Variants in KIF1C observed in about 807,000 individuals in gnomAD.
KIF1C encodes the protein kinesin family member 1C.
Under a neutral mutation model 126.5 loss-of-function variants are expected in KIF1C, and 61 were observed. That is an observed-to-expected ratio of 0.48 (90% CI 0.39 to 0.60). The LOEUF (loss-of-function observed/expected upper bound fraction) is 0.60. KIF1C is among the 20% of genes least tolerant of loss of function. KIF1C has a pLI of 0.00. For synonymous variants in KIF1C, 640 were observed against 580.6 expected, an observed-to-expected ratio of 1.10 and a Z score of -1.47; for missense variants, 1,315 against 1,489.2, an observed-to-expected ratio of 0.88 and a Z score of 1.93.
rs1974658621 is a variant in KIF1C, at chr17:5,003,664, C to T, written c.773C>T (p.Ser258Leu). ...DLAGSERADS[S>L]GARGMRLKEG... is the part of the protein sequence containing the mutation. ...GCTGGGAGTGAGCGAGCCGACTCCT[C>T]AGGGGCCCGGGGCATGCGCCTGAAG... is the stretch of plus-strand genomic sequence containing the variant. The change falls in exon 9 of 23, where the codon TCA (serine) becomes TTA (leucine). Residue 258 changes from serine (S) to leucine (L), a missense_variant. Ser to Leu is a moderately radical substitution (Grantham distance 145, BLOSUM62 -2). This residue lies in a region of KIF1C where 874 missense variants were observed against 1,053.2 expected (regional missense o/e 0.83). Transcript: ENST00000320785. 3.1e-6 allele frequency: 5 copies of T among 1,613,668 alleles called. No homozygotes were observed. Among genetic ancestry groups the T allele is most frequent in the Non-Finnish European group, 4.2e-6 (5 of 1,179,892 alleles).
intron 16 of KIF1C, among the ~76,000 whole-genome samples, chr17:5,012,372 C>T (rs576250013): frequency 1.3e-4 from 11 of 86,254 alleles, no homozygotes; most frequent in African/African-American, 4.5e-4. Flanking sequence ...CAGGTGGGGG[C>T]GGGGCGGGAG....
intron 18 of KIF1C, among the ~76,000 whole-genome samples, chr17:5,015,975 C>G (rs1054048370): frequency 4.0e-5 from 6 of 151,898 alleles, no homozygotes; most frequent in African/African-American, 1.2e-4. Context: ...CACATAAGCT[C>G]AAGCAAAGTC....
At chr17:5,009,847 A>G (rs1032339861) in intron 16 of KIF1C, among the ~76,000 whole-genome samples, 2 of 151,928 alleles carry the variant, frequency 1.3e-5, no homozygotes, top group Non-Finnish European at 1.5e-5. Flanking sequence ...GTTATAACAC[A>G]TGTACAGGCA....
rs1974681457 is a variant in KIF1C, at chr17:5,004,564, C to T, written c.941-3C>T. ...GAAGCTTTTCCATGCACTCCATTCA[C>T]AGGGGGGAACTCACGCACAGCCATG... On this transcript the variant is annotated splice_region_variant and splice_polypyrimidine_tract_variant and intron_variant, in intron 11 of 22. Coordinates refer to ENST00000320785, the MANE Select transcript of KIF1C (RefSeq NM_006612.6). 1.9e-6 allele frequency: 3 copies of T among 1,614,024 alleles called. No individual in the cohort carries two copies. The highest frequency in any genetic ancestry group is 2.5e-6 in the Non-Finnish European group (3 of 1,179,922).
chr17:5,021,944 C>T lies in KIF1C; in HGVS notation c.2011-148C>T, dbSNP rs1449934244. ...TAGAAGAGCAGCGTTAAGCAGTCTG[C>T]CCAAGGGTGCGCTGTTGGGGTGGAG... On this transcript the variant is annotated intron_variant, in intron 21 of 22. Transcript: ENST00000320785. The T allele has an allele frequency of 1.2e-5, 10 of 839,904 alleles. No homozygotes were observed. The Admixed American group carries it at 2.4e-4, about 20-fold the overall frequency. The allele number at this position is 839,904 out of a possible 1,614,324, so 52.0% of individuals were successfully genotyped here.
intron 8 of KIF1C, 32 bp downstream of exon 8, chr17:5,002,874 G>T (rs767069435): frequency 2.2e-6 from 3 of 1,342,128 alleles, no homozygotes; most frequent in Non-Finnish European, 1.0e-6. Flanking sequence ...CTCCCCCACC[G>T]GATGCAACCT....
chr17:5,024,117 C>T lies in KIF1C; in HGVS notation c.3278C>T (p.Ala1093Val), dbSNP rs376866611. The T allele has an allele frequency of 1.2e-6, 2 of 1,610,704 alleles. No homozygotes were observed. The highest frequency in any genetic ancestry group is 8.5e-7 in the Non-Finnish European group (1 of 1,178,474). ...TPPRMRRQRS[A>V]PDLKESGAAV ...CCACGAATGAGACGGCAGCGTTCTG[C>T]CCCTGACCTCAAGGAGAGTGGGGCA... is the stretch of plus-strand genomic sequence containing the variant. Residue 1093 changes from alanine to valine, a missense_variant, in exon 23 of 23, where the codon GCC (alanine) becomes GTC (valine). This residue lies in a region of KIF1C where 441 missense variants were observed against 436.1 expected (regional missense o/e 1.01). Transcript: ENST00000320785.
At position 5,022,070 on chromosome 17, in the gene KIF1C, C is replaced by CTT. The variant is rs1975101231; in HGVS notation, c.2011-21_2011-20insTT. The CTT allele has an allele frequency of 6.3e-6, 10 of 1,578,526 alleles. No homozygotes were observed. The highest frequency in any genetic ancestry group is 1.7e-4 in the Middle Eastern group (1 of 5,910). ...TCTGGATGTCCTTAGCCCTCTCTTC[C>CTT]TCTTTCTTTCTCTGGCCCCAGTATG... On this transcript the variant is annotated intron_variant, in intron 21 of 22. Transcript: ENST00000320785. This position sits in a 1 kb window ranked among gnomAD's most constrained non-coding sequence, Gnocchi z 4.9.
rs1285647110 is a variant in KIF1C, at chr17:5,022,980, T to C, written c.2628+271T>C. On this transcript the variant is annotated intron_variant, in intron 22 of 22. Transcript: ENST00000320785. This position sits in a 1 kb window ranked among gnomAD's most constrained non-coding sequence, Gnocchi z 4.9. ...TAATAAGCTCTGGGTGTTTCTGAAA[T>C]ACAGTGAAGTCTAAGACCCACTGAT... 6.6e-6 allele frequency among the ~76,000 whole-genome samples: 1 copy of C among 152,200 alleles called. No homozygotes were observed. The highest frequency in any genetic ancestry group is 1.9e-4 in the East Asian group (1 of 5,190).
chr17:5,001,160 A>C, intron 4 of KIF1C, 62 bp from the exon 5 acceptor site: 1 of 1,530,514 alleles, frequency 6.5e-7, no homozygotes, highest in East Asian at 2.3e-5. Flanking sequence ...CTTGGGACAG[A>C]GACACAAAGG....
Position 5,023,846 on chromosome 17 carries a change from C to A in KIF1C, c.3007C>A (p.Leu1003Ile), listed in dbSNP as rs541004226. 6.6e-7 allele frequency: 1 copy of A among 1,520,368 alleles called. No homozygotes were observed. Among genetic ancestry groups the A allele is most frequent in the Non-Finnish European group, 8.8e-7 (1 of 1,134,898 alleles). 94.2% of individuals were successfully genotyped at this position (1,520,368 alleles called of 1,614,324 possible). A position where few individuals can be genotyped will look rare whatever the true frequency, so the allele number is the denominator to read the frequency against. ...GGGGAGCGGGGAGGCTCCAACTCCG[C>A]TCCAACCCCCTGAGGAGGTCACTCC... ...GMGSGEAPTP[L>I]QPPEEVTPHP... is the part of the protein sequence containing the mutation. The change falls in exon 23 of 23, where the codon CTC becomes ATC. Residue 1003 changes from leucine (L) to isoleucine (I), a missense_variant. Leu to Ile is a conservative substitution (Grantham distance 5). Around this residue, in one of 2 missense-constraint regions of KIF1C, gnomAD observed 441 missense variants for 436.1 expected, o/e 1.01. Transcript: ENST00000320785. The surrounding 1 kb of genome is among the most constrained non-coding windows in gnomAD (Gnocchi z 4.2).
chr17:5,009,251 C>G (rs1446622758), intron 16 of KIF1C, among the ~76,000 whole-genome samples: 1 of 151,530 alleles, frequency 6.6e-6, no homozygotes, highest in Non-Finnish European at 1.5e-5. Flanking sequence ...GCAATCTTGG[C>G]TGACTGCAAC....
In KIF1C at chr17:5,022,147, G is replaced by A. The variant is rs1392339428; in HGVS notation, c.2066G>A (p.Trp689Ter). ...GACAAGCGCTCTTGTGAAGAGAGCT[G>A]GAGGCTCATCTCCTCCTTGCGGGAG... is the stretch of plus-strand genomic sequence containing the variant. The part of the protein sequence containing the change: ...DSDKRSCEES[W>*]RLISSLREQL... Residue 689 changes from tryptophan to a stop codon, truncating the protein, a stop_gained, in exon 22 of 23, where the codon TGG (tryptophan) becomes TAG (stop). Coordinates refer to ENST00000320785, the MANE Select transcript of KIF1C (RefSeq NM_006612.6). LOFTEE classifies it high-confidence loss of function. The surrounding 1 kb of genome is among the most constrained non-coding windows in gnomAD (Gnocchi z 4.9). 6.2e-7 allele frequency: 1 copy of A among 1,613,606 alleles called. No individual in the cohort carries two copies. Among genetic ancestry groups the A allele is most frequent in the African/African-American group, 1.3e-5 (1 of 74,946 alleles).
intron 13 of KIF1C, among the ~76,000 whole-genome samples, chr17:5,006,049 A>G (rs1439818992): frequency 6.6e-6 from 1 of 151,488 alleles, no homozygotes; most frequent in African/African-American, 2.4e-5. Context: ...TCTACTAAAA[A>G]TACAAAAATT....
Position 5,020,633 on chromosome 17 carries a change from TGCTGGAGCAGCAAGGCATCGACATAAA to T in KIF1C, c.1899_1925del (p.Gln634_Glu642del). 6.2e-7 allele frequency: 1 copy of T among 1,614,190 alleles called. No homozygotes were observed. The highest frequency in any genetic ancestry group is 8.5e-7 in the Non-Finnish European group (1 of 1,180,000). On this transcript the variant is annotated inframe_deletion, in exon 20 of 23. Transcript: ENST00000320785. The surrounding 1 kb of genome is among the most constrained non-coding windows in gnomAD (Gnocchi z 5.8). ...GACTGGAACTTTGCCCAGAAGGAAC[TGCTGGAGCAGCAAGGCATCGACATAAA>T]GCTGGAAATGGAGAAGAGGTGCGAG...
chr17:5,021,298 C>T lies in KIF1C; in HGVS notation c.2010+420C>T, dbSNP rs188341248. ...AGCGATTCTCATGCCTCAGCCTCCC[C>T]AGTAGCTGGGATTACAGGAGCCCGC... On this transcript the variant is annotated intron_variant, in intron 21 of 22. Coordinates refer to ENST00000320785, the MANE Select transcript of KIF1C (RefSeq NM_006612.6). Among the ~76,000 whole-genome samples, 200 of 151,336 alleles carry T rather than the reference C, an allele frequency of 1.3e-3. 1 individual carries two copies. The highest frequency in any genetic ancestry group is 4.7e-3 in the African/African-American group (192 of 41,186).
chr17:4,998,978 C>G (rs899886466), intron 1 of KIF1C: 1 of 152,098 alleles, frequency 6.6e-6, no homozygotes, highest in Non-Finnish European at 1.5e-5. Flanking sequence ...GGGCTGGCAC[C>G]AGCCAGCCGG....
intron 11 of KIF1C, among the ~76,000 whole-genome samples, 154 bp from the exon 12 acceptor site, chr17:5,004,413 A>T (rs1974676813): frequency 1.3e-5 from 2 of 152,230 alleles, no homozygotes; most frequent in South Asian, 4.1e-4. Flanking sequence ...CCATAACCAG[A>T]TGTCATGGTT....
chr17:5,009,112 GAA>G (rs796782971), intron 16 of KIF1C, among the ~76,000 whole-genome samples: 4 of 136,886 alleles, frequency 2.9e-5, no homozygotes, highest in African/African-American at 1.1e-4. Flanking sequence ...TTTTGTTATA[GAA>G]AAAAAAAAAA....
Sources: allele counts gnomAD v4.1 joint callset (sites outside exome capture counted in the v4.1 genomes callset), GRCh38; gene constraint gnomAD v4.1.1; regional missense constraint gnomAD v4.1.1; non-coding constraint Gnocchi (gnomAD v3.1); transcripts MANE v1.5; gene names NCBI Gene and HGNC (gene_info 2026-07-23, HGNC 2026-07-21).